Variants in PTBP2 observed in about 807,000 individuals in gnomAD.
The protein encoded by PTBP2 is polypyrimidine tract-binding protein 2.
In PTBP2, 13 loss-of-function variants were observed where a neutral mutation model predicts 61.4. The ratio of observed to expected loss-of-function variants is 0.21; its 90% CI spans 0.14 to 0.34. The LOEUF is 0.34. Among genes scored for constraint, PTBP2 ranks in the 10% least tolerant of loss-of-function variants. PTBP2 has a pLI of 1.00. For missense variants in PTBP2, 405 were observed against 642.6 expected, an observed-to-expected ratio of 0.63 and a Z score of 4.00; for synonymous variants, 215 against 218.5, an observed-to-expected ratio of 0.98 and a Z score of 0.14.
chr1:96,769,682 C>T, intron 3 of PTBP2, 21 bp from the exon 4 acceptor site: 1 of 1,502,096 alleles, frequency 6.7e-7, no homozygotes, highest in Non-Finnish European at 8.9e-7. Flanking sequence ...TATATAAGGA[C>T]TGTTTTTTAA....
Position 96,813,431 on chromosome 1 carries a change from G to A in PTBP2, c.*26G>A, listed in dbSNP as rs971849370. On this transcript the variant is annotated 3_prime_UTR_variant, in exon 14 of 14. Transcript: ENST00000674951. ...AAATGGGAAGATGAAGATTGGGGGT[G>A]AATCACATTGTTCAATGTCATCACC... 8.4e-6 allele frequency: 13 copies of A among 1,550,964 alleles called. No homozygotes were observed. Among genetic ancestry groups the A allele is most frequent in the African/African-American group, 5.5e-5 (4 of 72,230 alleles).
intron 2 of PTBP2, among the ~76,000 whole-genome samples, chr1:96,728,115 T>C (rs1650851775): frequency 6.6e-6 from 1 of 152,128 alleles, no homozygotes; most frequent in Non-Finnish European, 1.5e-5. Context: ...GCCTCCCAAG[T>C]AGCTAGGACT....
intron 2 of PTBP2, among the ~76,000 whole-genome samples, chr1:96,744,885 A>G (rs542684991): frequency 3.3e-5 from 5 of 152,300 alleles, no homozygotes; most frequent in Middle Eastern, 3.4e-3. Context: ...TGTCTTATTT[A>G]AACGTTCTGA....
intron 2 of PTBP2, among the ~76,000 whole-genome samples, chr1:96,746,053 G>A (rs1248598208): frequency 2.0e-5 from 3 of 147,756 alleles, no homozygotes; most frequent in Non-Finnish European, 4.5e-5. Flanking sequence ...GTGACAGACT[G>A]AGACTCCATC....
Position 96,741,509 on chromosome 1 carries a change from G to T in PTBP2, c.40-9916G>T, listed in dbSNP as rs138108895. ...ACTCCCAGGCTCAAGCAGTTCTCCC[G>T]CATTGGCCTCCTAAAGTGCTGAGAT... is the stretch of plus-strand genomic sequence containing the variant. On this transcript the variant is annotated intron_variant, in intron 2 of 13. Transcript: ENST00000674951. Among the ~76,000 whole-genome samples, 186 of 152,160 alleles carry T rather than the reference G, an allele frequency of 1.2e-3. No homozygotes were observed. The Middle Eastern group carries it at 0.014, about 11-fold the overall frequency.
In PTBP2 at chr1:96,731,475, G is replaced by A. The variant is rs183724264; in HGVS notation, c.39+7881G>A. Among the ~76,000 whole-genome samples, 286 of 152,140 alleles carry A rather than the reference G, an allele frequency of 1.9e-3. 1 individual carries two copies. Among genetic ancestry groups the A allele is most frequent in the African/African-American group, 6.6e-3 (275 of 41,532 alleles). On this transcript the variant is annotated intron_variant, in intron 2 of 13. Transcript: ENST00000674951. ...ACTGCCTGTTTGTGTACTGGACCTA[G>A]TTAATTCAAATATATATATTTGAAT...
intron 2 of PTBP2, among the ~76,000 whole-genome samples, chr1:96,750,629 G>A (rs1365308503): frequency 1.3e-5 from 2 of 151,664 alleles, no homozygotes; most frequent in African/African-American, 4.8e-5. Flanking sequence ...TTTGATGGTT[G>A]CATTTAACTT....
intron 11 of PTBP2, among the ~76,000 whole-genome samples, chr1:96,808,665 A>G (rs1250926156): frequency 3.3e-5 from 5 of 152,170 alleles, no homozygotes; most frequent in Non-Finnish European, 7.3e-5. Context: ...TTGACTTGCT[A>G]GTAGGGCTTA....
At chr1:96,743,268 C>T (rs895835679) in intron 2 of PTBP2, among the ~76,000 whole-genome samples, 11 of 63,182 alleles carry the variant, frequency 1.7e-4, no homozygotes, top group African/African-American at 6.2e-4. Context: ...CAGAGCAAGA[C>T]TCCGTCTTAA....
chr1:96,722,736 A>G (rs1321577506), intron 1 of PTBP2, among the ~76,000 whole-genome samples: 1 of 152,248 alleles, frequency 6.6e-6, no homozygotes, highest in Non-Finnish European at 1.5e-5. Flanking sequence ...AAAAACGACT[A>G]TAAAAACCCA....
At chr1:96,812,638 C>G in intron 11 of PTBP2, 74 bp from the exon 12 acceptor site, 1 of 1,189,490 alleles carries the variant, frequency 8.4e-7, no homozygotes, top group African/African-American at 1.6e-5. Context: ...AATTTTTAAA[C>G]TGTTACGTTA....
chr1:96,736,121 G>C (rs986832861), intron 2 of PTBP2, among the ~76,000 whole-genome samples: 22 of 152,146 alleles, frequency 1.4e-4, no homozygotes, highest in Admixed American at 1.0e-3. Context: ...ATCATATAAG[G>C]AGAAGAACAA....
At chr1:96,784,691 T>C (rs1659037274) in intron 7 of PTBP2, among the ~76,000 whole-genome samples, 1 of 152,174 alleles carries the variant, frequency 6.6e-6, no homozygotes, top group Non-Finnish European at 1.5e-5. Flanking sequence ...AATATATGTA[T>C]AATAAAATTA....
intron 10 of PTBP2, 68 bp from the exon 11 acceptor site, chr1:96,806,798 A>C: frequency 8.8e-7 from 1 of 1,138,754 alleles, no homozygotes; most frequent in East Asian, 2.4e-5. Context: ...TCAGAAAGAT[A>C]ATCTTTAGGT....
chr1:96,782,176 T>A (rs1658749970), intron 7 of PTBP2, among the ~76,000 whole-genome samples: 1 of 152,008 alleles, frequency 6.6e-6, no homozygotes, highest in Non-Finnish European at 1.5e-5. Flanking sequence ...ATTAGGAATA[T>A]CTTTAGTTGA....
At chr1:96,761,994 G>A (rs1318506081) in intron 3 of PTBP2, among the ~76,000 whole-genome samples, 11 of 151,078 alleles carry the variant, frequency 7.3e-5, no homozygotes, top group East Asian at 3.9e-4. Flanking sequence ...ATCTTGCACC[G>A]CCCTTAATCC....
chr1:96,794,366 AAAAC>A (rs1362185000), intron 8 of PTBP2, among the ~76,000 whole-genome samples: 3 of 152,236 alleles, frequency 2.0e-5, no homozygotes, highest in Non-Finnish European at 2.9e-5. Context: ...TTGTATGGCT[AAAAC>A]AAAGAAAATA....
chr1:96,785,071 C>G lies in PTBP2; in HGVS notation c.721C>G (p.Gln241Glu). ...TTCACTTTTACAGGCCCTAGATGGT[C>G]AGAATATTTATAATGCCTGCTGTAC... ...AQQAKLALDG[Q>E]NIYNACCTLR... Residue 241 changes from glutamine (Q) to glutamate (E), a missense_variant, in exon 8 of 14, where the codon CAG becomes GAG. Gln to Glu is a conservative substitution (Grantham distance 29). This residue lies in a region of PTBP2 where 342 missense variants were observed against 491.2 expected (regional missense o/e 0.70). Coordinates refer to ENST00000674951, the MANE Select transcript of PTBP2 (RefSeq NM_021190.4). 1 of 1,587,366 alleles carries G rather than the reference C, an allele frequency of 6.3e-7. No individual in the cohort carries two copies. The highest frequency in any genetic ancestry group is 8.6e-7 in the Non-Finnish European group (1 of 1,166,944).
At chr1:96,766,883 G>A (rs1656790102) in intron 3 of PTBP2, among the ~76,000 whole-genome samples, 2 of 152,044 alleles carry the variant, frequency 1.3e-5, no homozygotes. Context: ...TTGTTGAAGA[G>A]CACAGACTAT....
Sources: allele counts gnomAD v4.1 joint callset (sites outside exome capture counted in the v4.1 genomes callset), GRCh38; gene constraint gnomAD v4.1.1; regional missense constraint gnomAD v4.1.1; transcripts MANE v1.5; gene names NCBI Gene and HGNC (gene_info 2026-07-23, HGNC 2026-07-21).